PDE4D: variants seen among roughly 807,000 people sequenced by gnomAD.
PDE4D encodes phosphodiesterase 4D.
In PDE4D, 24 loss-of-function variants were observed where a neutral mutation model predicts 87.4. That is an observed-to-expected ratio of 0.27 (90% CI 0.20 to 0.39). The LOEUF (loss-of-function observed/expected upper bound fraction) is 0.39, where lower values mean the gene tolerates loss of function less well. Ranked by LOEUF, PDE4D falls within the 10% of genes least tolerant of loss-of-function variation. PDE4D has a pLI of 1.00. For synonymous variants in PDE4D, 384 were observed against 383.2 expected (o/e 1.00, Z -0.02); for missense variants, 714 against 1,041.0 (o/e 0.69, Z 4.32).
intron 1 of PDE4D, among the ~76,000 whole-genome samples, chr5:59,425,267 T>C (rs115209507): frequency 6.6e-6 from 1 of 152,300 alleles, no homozygotes; most frequent in Non-Finnish European, 1.5e-5. Flanking sequence ...ATCAATCATC[T>C]AGATATAAAT....
chr5:59,098,026 C>T (rs549930921), intron 5 of PDE4D, among the ~76,000 whole-genome samples: 5 of 152,272 alleles, frequency 3.3e-5, no homozygotes, highest in Admixed American at 1.3e-4. Context: ...ATCAAATGTA[C>T]CTTTAACTCC....
At chr5:59,348,620 A>T in intron 1 of PDE4D, among the ~76,000 whole-genome samples, 1 of 115,358 alleles carries the variant, frequency 8.7e-6, no homozygotes, top group African/African-American at 3.4e-5. Flanking sequence ...CTTCACTTCA[A>T]AGCTTTTTTT....
chr5:60,048,577 T>A (rs1398036727), intron 2 of PDE4D, among the ~76,000 whole-genome samples: 1 of 152,180 alleles, frequency 6.6e-6, no homozygotes, highest in East Asian at 1.9e-4. Context: ...ACAAAATCTC[T>A]CAGCATTTGC....
chr5:59,570,539 A>G (rs945650895), intron 1 of PDE4D, among the ~76,000 whole-genome samples: 7 of 152,192 alleles, frequency 4.6e-5, no homozygotes, highest in African/African-American at 1.7e-4. Flanking sequence ...AAATGCTCTT[A>G]AAATCATGTT....
chr5:59,523,662 C>A (rs757028249), intron 1 of PDE4D, among the ~76,000 whole-genome samples: 24 of 152,202 alleles, frequency 1.6e-4, no homozygotes, highest in Non-Finnish European at 2.5e-4. Flanking sequence ...TAAAAAGATA[C>A]ACTTCCTTTT....
intron 1 of PDE4D, among the ~76,000 whole-genome samples, chr5:59,555,056 G>A (rs1344571284): frequency 2.0e-5 from 3 of 152,142 alleles, no homozygotes; most frequent in African/African-American, 7.2e-5. Flanking sequence ...GCACACATAT[G>A]TTCGTTGTAG....
At chr5:59,996,537 C>T (rs1054928564) in intron 2 of PDE4D, among the ~76,000 whole-genome samples, 2 of 152,080 alleles carry the variant, frequency 1.3e-5, no homozygotes, top group African/African-American at 4.8e-5. Context: ...CTTTCATGTC[C>T]CCATGAAATT....
At chr5:60,242,102 C>A (rs544420479) in intron 1 of PDE4D, among the ~76,000 whole-genome samples, 44 of 152,132 alleles carry the variant, frequency 2.9e-4, no homozygotes, top group African/African-American at 8.4e-4. Flanking sequence ...CACACTTCAC[C>A]TATAAACACA....
At chr5:60,308,761 C>A (rs115977783) in intron 1 of PDE4D, among the ~76,000 whole-genome samples, 2,924 of 152,200 alleles carry the variant, frequency 0.019, 75 homozygotes, top group African/African-American at 0.068. Context: ...TCTCTGGGTT[C>A]CAAGATAATT....
In PDE4D at chr5:60,013,390, C is replaced by T. The variant is rs1163746974; in HGVS notation, c.43-24673G>A. 3.3e-5 allele frequency among the ~76,000 whole-genome samples: 5 copies of T among 152,182 alleles called. No homozygotes were observed. The East Asian group carries it at 9.6e-4, about 29-fold the overall frequency. On this transcript the variant is annotated intron_variant, in intron 2 of 16. Coordinates refer to the PDE4D transcript ENST00000502484. Reference sequence around the variant, plus strand: ...ATGATAAAACCACAGTTAGTCCATTCAAAACCTAACTGCTGGTCTGCCAAG... The same window carrying T: ...ATGATAAAACCACAGTTAGTCCATTTAAAACCTAACTGCTGGTCTGCCAAG...
At chr5:60,178,965 T>C (rs1270727446) in intron 2 of PDE4D, among the ~76,000 whole-genome samples, 2 of 152,088 alleles carry the variant, frequency 1.3e-5, no homozygotes, top group Non-Finnish European at 2.9e-5. Flanking sequence ...TTAACAAATA[T>C]CGTAGATTGT....
At chr5:60,263,693 C>A (rs920806713) in intron 1 of PDE4D, among the ~76,000 whole-genome samples, 1 of 152,108 alleles carries the variant, frequency 6.6e-6, no homozygotes, top group African/African-American at 2.4e-5. Flanking sequence ...CTCCTATGAA[C>A]AACATTCACC....
intron 1 of PDE4D, among the ~76,000 whole-genome samples, chr5:59,342,969 C>CT (rs61034507): frequency 0.45 from 65,975 of 145,768 alleles, 14,599 homozygotes; most frequent in South Asian, 0.53. Flanking sequence ...TAGAAATTTT[C>CT]TTTTTTTTTT....
chr5:59,132,386 A>T (rs1390351413), intron 5 of PDE4D, among the ~76,000 whole-genome samples: 1 of 152,264 alleles, frequency 6.6e-6, no homozygotes, highest in East Asian at 1.9e-4. Flanking sequence ...TTTTCGTAGA[A>T]ATATAGTTAT....
At position 60,040,340 on chromosome 5, in the gene PDE4D, C is replaced by A. The variant is rs140577927; in HGVS notation, c.43-51623G>T. ...CTTGCTTTTCTAGTAGAGTGGGATG[C>A]TGTGATTATCTGCCTCTACTCTCTC... On this transcript the variant is annotated intron_variant, in intron 2 of 16. Coordinates refer to the PDE4D transcript ENST00000502484. Among the ~76,000 whole-genome samples the A allele has an allele frequency of 3.9e-5, 6 of 152,296 alleles. No homozygotes were observed. In the East Asian group the frequency reaches 1.2e-3, roughly 29 times the overall value.
intron 1 of PDE4D, among the ~76,000 whole-genome samples, chr5:60,422,609 A>G (rs2150091533): frequency 6.6e-6 from 1 of 152,370 alleles, no homozygotes; most frequent in South Asian, 2.1e-4. Context: ...TGTAAAGACC[A>G]TCGACACCAT....
intron 1 of PDE4D, among the ~76,000 whole-genome samples, chr5:59,246,347 A>G (rs1758837056): frequency 6.6e-6 from 1 of 152,122 alleles, no homozygotes; most frequent in African/African-American, 2.4e-5. Flanking sequence ...GGTAGGTTAT[A>G]AAATAAAAAT....
intron 1 of PDE4D, among the ~76,000 whole-genome samples, chr5:60,356,792 TTTGA>T (rs1446383510): frequency 6.6e-6 from 1 of 152,188 alleles, no homozygotes; most frequent in Admixed American, 6.5e-5. Flanking sequence ...ATCACACTTG[TTTGA>T]TTAACGGTAT....
chr5:59,855,116 C>T (rs1014581181), intron 1 of PDE4D, among the ~76,000 whole-genome samples: 3 of 152,086 alleles, frequency 2.0e-5, no homozygotes, highest in African/African-American at 7.2e-5. Flanking sequence ...GAGATTCTCC[C>T]TTCTAACCAG....
Sources: allele counts gnomAD v4.1 joint callset (sites outside exome capture counted in the v4.1 genomes callset), GRCh38; gene constraint gnomAD v4.1.1; transcripts MANE v1.5; gene names NCBI Gene and HGNC (gene_info 2026-07-23, HGNC 2026-07-21).